The following NRG1 variants were observed in gnomAD, a reference collection of about 807,000 sequenced individuals.
NRG1 encodes the protein neuregulin 1.
A neutral mutation model predicts 63.8 loss-of-function variants in NRG1; 18 were observed. The ratio of observed to expected loss-of-function variants is 0.28; its 90% CI spans 0.19 to 0.42. The LOEUF is 0.42. NRG1 is among the 10% of genes least tolerant of loss of function. The pLI is 1.00. For missense variants in NRG1, 762 were observed against 814.7 expected, an observed-to-expected ratio of 0.94 and a Z score of 0.79; for synonymous variants, 302 against 301.3, an observed-to-expected ratio of 1.00 and a Z score of -0.02.
At chr8:32,741,982 T>A in intron 6 of NRG1, 26 bp from the exon 7 acceptor site, 1 of 1,600,898 alleles carries the variant, frequency 6.2e-7, no homozygotes, top group East Asian at 2.2e-5. Flanking sequence ...CATTTTTTTT[T>A]TGCTTACCAC....
chr8:32,681,908 A>G (rs778129380), intron 5 of NRG1, among the ~76,000 whole-genome samples: 8 of 152,196 alleles, frequency 5.3e-5, no homozygotes, highest in Non-Finnish European at 4.4e-5. Context: ...TCCAAATCTC[A>G]GTGCAAAATG....
chr8:32,273,490 A>T (rs1188941892), intron 1 of NRG1, among the ~76,000 whole-genome samples: 3 of 152,214 alleles, frequency 2.0e-5, no homozygotes, highest in Non-Finnish European at 2.9e-5. Context: ...TGAAAGGCAG[A>T]TGATTTTAGG....
intron 3 of NRG1, among the ~76,000 whole-genome samples, chr8:32,612,049 T>C (rs1050151433): frequency 6.6e-6 from 1 of 152,114 alleles, no homozygotes. Flanking sequence ...TACTTGCCTG[T>C]TCAGCATAAG....
At chr8:32,346,960 G>T (rs879803601) in intron 1 of NRG1, among the ~76,000 whole-genome samples, 3 of 151,904 alleles carry the variant, frequency 2.0e-5, no homozygotes, top group Admixed American at 6.6e-5. Flanking sequence ...CTCCCAAGCA[G>T]CTGGGACTAC....
intron 8 of NRG1, 63 bp downstream of exon 8, chr8:32,754,537 G>A (rs1829326542): frequency 3.4e-6 from 5 of 1,490,138 alleles, no homozygotes. Flanking sequence ...GATGGCCAGG[G>A]CTTTGCAGAA....
intron 1 of NRG1, among the ~76,000 whole-genome samples, chr8:32,125,816 G>A (rs1378063210): frequency 6.6e-6 from 1 of 151,934 alleles, no homozygotes; most frequent in Non-Finnish European, 1.5e-5. Flanking sequence ...TTCCTGACAT[G>A]TGATTGTATC....
At chr8:31,921,488 AC>A in intron 1 of NRG1, among the ~76,000 whole-genome samples, 1 of 152,236 alleles carries the variant, frequency 6.6e-6, no homozygotes, top group South Asian at 2.1e-4. Flanking sequence ...ACACACACAC[AC>A]ACACACACAC....
chr8:32,100,570 CT>C (rs72152539), intron 1 of NRG1, among the ~76,000 whole-genome samples: 9,718 of 150,000 alleles, frequency 0.065, 637 homozygotes, highest in African/African-American at 0.17. Flanking sequence ...ATGGGAAAGT[CT>C]TTTTTTTTAA....
rs139045460 is a variant in NRG1 at position 32,068,491 on chromosome 8, G to A, written c.37+429060G>A. Among the ~76,000 whole-genome samples, 419 of 152,228 alleles carry A rather than the reference G, an allele frequency of 2.8e-3. 3 individuals are homozygous for A. Among genetic ancestry groups the A allele is most frequent in the African/African-American group, 9.6e-3 (400 of 41,552 alleles). On this transcript the variant is annotated intron_variant, in intron 1 of 10. Transcript: ENST00000519301. ...ATGAAAGGCCACGGGGCTGTTTCTGGGCTTAAACAAGCTAGTCTTAATTAG... is the reference window on the plus strand; with the variant it reads ...ATGAAAGGCCACGGGGCTGTTTCTGAGCTTAAACAAGCTAGTCTTAATTAG...
chr8:32,119,531 C>G (rs1833164819), intron 1 of NRG1, among the ~76,000 whole-genome samples: 1 of 152,098 alleles, frequency 6.6e-6, no homozygotes, highest in African/African-American at 2.4e-5. Context: ...CTTTCTTGGG[C>G]TCATGTTTAA....
At chr8:32,647,822 A>G (rs780432562) in intron 5 of NRG1, 1 of 1,613,936 alleles carries the variant, frequency 6.2e-7, no homozygotes, top group African/African-American at 1.3e-5. Flanking sequence ...TTCCGGCAGC[A>G]GAAGACATGC....
At chr8:32,055,376 C>T (rs1264810064) in intron 1 of NRG1, among the ~76,000 whole-genome samples, 1 of 152,094 alleles carries the variant, frequency 6.6e-6, no homozygotes, top group Non-Finnish European at 1.5e-5. Context: ...TGATCATTTT[C>T]ATTCAGAATT....
intron 1 of NRG1, among the ~76,000 whole-genome samples, chr8:32,369,525 G>C (rs6468099): frequency 0.26 from 39,618 of 152,112 alleles, 5,538 homozygotes; most frequent in Middle Eastern, 0.34. Context: ...AGCGAACGTG[G>C]TGTGGACTCT....
intron 1 of NRG1, among the ~76,000 whole-genome samples, chr8:32,148,293 A>C (rs1837123264): frequency 6.6e-6 from 1 of 152,186 alleles, no homozygotes; most frequent in Admixed American, 6.5e-5. Flanking sequence ...AGGCCCTAGG[A>C]CCCAAGCCCT....
intron 1 of NRG1, among the ~76,000 whole-genome samples, chr8:31,651,781 T>C (rs564299117): frequency 6.6e-6 from 1 of 152,090 alleles, no homozygotes; most frequent in Admixed American, 6.5e-5. Context: ...CTGGGCTAGG[T>C]CCATTTTTTT....
intron 1 of NRG1, among the ~76,000 whole-genome samples, chr8:31,823,067 T>C (rs1563445592): frequency 6.6e-6 from 1 of 151,262 alleles, no homozygotes; most frequent in East Asian, 1.9e-4. Flanking sequence ...ACCAAAGGTA[T>C]GTGTGTGTGT....
intron 1 of NRG1, among the ~76,000 whole-genome samples, chr8:32,130,298 T>C (rs1273043748): frequency 2.0e-5 from 3 of 152,034 alleles, no homozygotes; most frequent in African/African-American, 7.2e-5. Context: ...TATGTCCTAA[T>C]TTCTAGCATT....
intron 1 of NRG1, among the ~76,000 whole-genome samples, chr8:31,866,417 TC>T (rs1214757659): frequency 1.3e-5 from 2 of 152,118 alleles, no homozygotes; most frequent in Admixed American, 6.6e-5. Flanking sequence ...TAAACGATAA[TC>T]TTTTTTTATT....
At chr8:32,576,660 A>C (rs963642516) in intron 1 of NRG1, among the ~76,000 whole-genome samples, 20 of 152,130 alleles carry the variant, frequency 1.3e-4, no homozygotes, top group African/African-American at 4.8e-4. Context: ...GCACAGTGTA[A>C]TATTTATGAG....
Sources: gnomAD v4.1 joint callset for allele counts (sites outside exome capture counted in the v4.1 genomes callset) on GRCh38, gnomAD v4.1.1 for gene constraint, MANE v1.5 for transcripts, NCBI Gene and HGNC (gene_info 2026-07-23, HGNC 2026-07-21) for gene names.